PADI6: variants seen among roughly 807,000 people sequenced by gnomAD.
The protein encoded by PADI6 is inactive protein-arginine deiminase type-6.
PADI6 carries 66 observed loss-of-function variants against 78.2 expected under a neutral mutation model. The ratio of observed to expected loss-of-function variants is 0.84; its 90% CI spans 0.69 to 1.04. The LOEUF (loss-of-function observed/expected upper bound fraction) is 1.04, where lower values mean the gene tolerates loss of function less well. PADI6 is among the 50% of genes least tolerant of loss of function. The pLI, the probability that PADI6 is intolerant of heterozygous loss-of-function variation, is 0.00. For missense variants in PADI6, 854 were observed against 866.1 expected (o/e 0.99, Z 0.18); for synonymous variants, 397 against 346.9 (o/e 1.14, Z -1.60).
rs776535099 is a variant in PADI6 at position 17,398,572 on chromosome 1, T to A, written c.1690-114T>A. On this transcript the variant is annotated intron_variant, in intron 14 of 15. Coordinates refer to ENST00000619609, the MANE Select transcript of PADI6 (RefSeq NM_207421.4). Reference sequence around the variant, plus strand: ...CCTGGCACACAGCAAGTGATGGGGATGGTAGTGGTGTCAGGCCATCACCTA... The same window carrying A: ...CCTGGCACACAGCAAGTGATGGGGAAGGTAGTGGTGTCAGGCCATCACCTA... The A allele has an allele frequency of 1.4e-4, 91 of 646,362 alleles. 1 individual carries two copies. Among genetic ancestry groups the A allele is most frequent in the Non-Finnish European group, 8.6e-5 (32 of 370,162 alleles). 40.0% of individuals were successfully genotyped at this position (646,362 alleles called of 1,614,324 possible).
At position 17,374,716 on chromosome 1, in the gene PADI6, G is replaced by A. The variant is rs183636331; in HGVS notation, c.295-711G>A. ...GAGAACCATTCTCTGCCCAGGGCTC[G>A]GCCTCCAGGACCCTCAGGAGTGGCC... On this transcript the variant is annotated intron_variant, in intron 2 of 15. Transcript: ENST00000619609. Among the ~76,000 whole-genome samples, 764 of 152,242 alleles carry A rather than the reference G, an allele frequency of 5.0e-3. 4 individuals are homozygous for A. Among genetic ancestry groups the A allele is most frequent in the African/African-American group, 0.01 (419 of 41,546 alleles).
intron 15 of PADI6, among the ~76,000 whole-genome samples, chr1:17,399,220 C>T (rs1220560367): frequency 6.6e-6 from 1 of 152,228 alleles, no homozygotes; most frequent in African/African-American, 2.4e-5. Context: ...CCTTGAGCAA[C>T]CTACCTCAGG....
chr1:17,372,330 T>C lies in PADI6; in HGVS notation c.85T>C (p.Leu29=), dbSNP rs767345968. The change falls in exon 1 of 16, where the codon TTG becomes CTG. Residue 29 remains leucine, a synonymous_variant. Coordinates refer to ENST00000619609, the MANE Select transcript of PADI6 (RefSeq NM_207421.4). ...CAGCCCTGTCCATGCCGTTTGTGTG[T>C]TGGGCACAGAAATCTGCTTGGATCT... ...LDSPVHAVCV[L]GTEICLDLSG... The C allele has an allele frequency of 6.2e-6, 10 of 1,613,808 alleles. No homozygotes were observed. The Admixed American group carries it at 1.3e-4, about 22-fold the overall frequency.
intron 2 of PADI6, among the ~76,000 whole-genome samples, chr1:17,374,132 C>T (rs2074992328): frequency 6.6e-6 from 1 of 152,096 alleles, no homozygotes; most frequent in Non-Finnish European, 1.5e-5. Context: ...TAAAGCTCTC[C>T]AGGTGCACCC....
intron 2 of PADI6, among the ~76,000 whole-genome samples, chr1:17,374,206 TC>T (rs1475439802): frequency 6.6e-6 from 1 of 151,192 alleles, no homozygotes; most frequent in Admixed American, 6.6e-5. Flanking sequence ...TCTCCCTCCC[TC>T]CCCCCACACC....
intron 9 of PADI6, 123 bp from the exon 10 acceptor site, chr1:17,393,852 C>G (rs1197217397): frequency 1.4e-5 from 11 of 778,992 alleles, no homozygotes; most frequent in Admixed American, 4.1e-5. Context: ...GATATCTGAG[C>G]TGGGTGTTGA....
intron 9 of PADI6, among the ~76,000 whole-genome samples, chr1:17,393,500 C>G (rs910474015): frequency 6.6e-6 from 1 of 152,116 alleles, no homozygotes; most frequent in Non-Finnish European, 1.5e-5. Flanking sequence ...GGATTCTTTA[C>G]GAAAGAAGAA....
chr1:17,389,932 GC>G (rs1267924532), intron 8 of PADI6, among the ~76,000 whole-genome samples: 2 of 152,206 alleles, frequency 1.3e-5, no homozygotes, highest in African/African-American at 4.8e-5. Flanking sequence ...TTAGGTGAAG[GC>G]TTTTTTGTTT....
At chr1:17,392,531 AC>A (rs1385349925) in intron 9 of PADI6, among the ~76,000 whole-genome samples, 1 of 152,188 alleles carries the variant, frequency 6.6e-6, no homozygotes, top group Non-Finnish European at 1.5e-5. Context: ...GAGCTGGGCC[AC>A]TGCCCTGGGG....
chr1:17,376,881 TTTGTC>T (rs974489315), intron 3 of PADI6, among the ~76,000 whole-genome samples: 18 of 116,948 alleles, frequency 1.5e-4, no homozygotes, highest in African/African-American at 4.8e-4. Context: ...TTTGTTTTGT[TTTGTC>T]TTGTTTTTTG....
At chr1:17,398,654 G>GCGCCC in intron 14 of PADI6, 32 bp from the exon 15 acceptor site, 1 of 173,478 alleles carries the variant, frequency 5.8e-6, no homozygotes, top group Non-Finnish European at 1.1e-5. Flanking sequence ...TTGCTCCCCC[G>GCGCCC]CCCCCCCCCC....
At position 17,388,389 on chromosome 1, in the gene PADI6, T is replaced by C; in HGVS notation, c.688T>C (p.Ser230Pro). The change falls in exon 7 of 16, where the codon TCC (serine) becomes CCC (proline). Residue 230 changes from serine (S) to proline (P), a missense_variant. By Grantham distance (74) the Ser-to-Pro change is moderately conservative (BLOSUM62 -1). Coordinates refer to ENST00000619609, the MANE Select transcript of PADI6 (RefSeq NM_207421.4). ...CCTTCTTTCTCTCCTAGAAGACAAC[T>C]CCAGTACCTTTGAGTTGGTGCTGGG... is the stretch of plus-strand genomic sequence containing the variant. ...ARVYWPQKDN[S>P]STFELVLGPD... 1 of 1,612,102 alleles carries C rather than the reference T, an allele frequency of 6.2e-7. No individual in the cohort carries two copies. The highest frequency in any genetic ancestry group is 8.5e-7 in the Non-Finnish European group (1 of 1,179,134).
intron 9 of PADI6, among the ~76,000 whole-genome samples, chr1:17,392,544 C>T (rs1208189038): frequency 1.3e-5 from 2 of 152,190 alleles, no homozygotes; most frequent in Admixed American, 1.3e-4. Flanking sequence ...GCCCTGGGGT[C>T]CCGCCTGACT....
chr1:17,387,260 G>A (rs1375428596), intron 6 of PADI6, among the ~76,000 whole-genome samples: 1 of 152,040 alleles, frequency 6.6e-6, no homozygotes, highest in African/African-American at 2.4e-5. Context: ...CCTGGGCAAT[G>A]TGGTAAAACC....
At chr1:17,375,529 G>A (rs372518395) in intron 3 of PADI6, 30 bp downstream of exon 3, 3 of 1,571,260 alleles carry the variant, frequency 1.9e-6, no homozygotes, top group East Asian at 2.3e-5. Flanking sequence ...GGAGCCTGGG[G>A]CCCAACTCAC....
Position 17,372,919 on chromosome 1 carries a change from T to C in PADI6, c.117-137T>C, listed in dbSNP as rs1170669288. On this transcript the variant is annotated intron_variant, in intron 1 of 15. Transcript: ENST00000619609. ...TCCTTTGGGAGGGGGTGGGTAGGAA[T>C]AAGGACCCCAGACCACTCTGCCTCA... 3 of 875,760 alleles carry C rather than the reference T, an allele frequency of 3.4e-6. No homozygotes were observed. In the Admixed American group the frequency reaches 8.3e-5, roughly 24 times the overall value. 54.2% of individuals were successfully genotyped at this position (875,760 alleles called of 1,614,324 possible).
chr1:17,399,769 G>A (rs963025207), intron 15 of PADI6, among the ~76,000 whole-genome samples: 1 of 151,864 alleles, frequency 6.6e-6, no homozygotes, highest in Non-Finnish European at 1.5e-5. Flanking sequence ...AGGGTGCAGT[G>A]GCTCATGCCC....
intron 3 of PADI6, among the ~76,000 whole-genome samples, chr1:17,375,776 C>T (rs2075010079): frequency 6.6e-6 from 1 of 152,160 alleles, no homozygotes. Context: ...CATCTACCCA[C>T]CTACGCCTGT....
At chr1:17,377,167 C>T (rs1390298488) in intron 3 of PADI6, among the ~76,000 whole-genome samples, 2 of 151,768 alleles carry the variant, frequency 1.3e-5, no homozygotes, top group African/African-American at 4.8e-5. Context: ...TTATTTTTTC[C>T]CCCATAGAGA....
Sources: gnomAD v4.1 joint callset for allele counts (sites outside exome capture counted in the v4.1 genomes callset) on GRCh38, gnomAD v4.1.1 for gene constraint, MANE v1.5 for transcripts, NCBI Gene and HGNC (gene_info 2026-07-23, HGNC 2026-07-21) for gene names.